DST: variants seen among roughly 807,000 people sequenced by gnomAD.
The protein encoded by DST is bullous pemphigoid antigen.
A neutral mutation model predicts 875.2 loss-of-function variants in DST; 253 were observed. That is an observed-to-expected ratio of 0.29 (90% CI 0.26 to 0.32). The LOEUF (loss-of-function observed/expected upper bound fraction) is 0.32. Ranked by LOEUF, DST falls within the 10% of genes least tolerant of loss-of-function variation. The pLI, the probability that DST is intolerant of heterozygous loss-of-function variation, is 1.00. For synonymous variants in DST, 3,124 were observed against 3,197.1 expected (o/e 0.98, Z 0.77); for missense variants, 8,287 against 9,111.6 (o/e 0.91, Z 3.68).
chr6:56,853,851 G>T (rs918391519), intron 3 of DST, among the ~76,000 whole-genome samples: 1 of 151,960 alleles, frequency 6.6e-6, no homozygotes, highest in Non-Finnish European at 1.5e-5. Context: ...AAACAGATAA[G>T]AGAGAAAAAG....
Position 56,627,533 on chromosome 6 carries a change from C to G in DST, c.4639-246G>C, listed in dbSNP as rs114746244. Among the ~76,000 whole-genome samples the G allele has an allele frequency of 6.2e-3, 946 of 152,308 alleles. 8 individuals are homozygous for G. Among genetic ancestry groups the G allele is most frequent in the African/African-American group, 0.021 (884 of 41,574 alleles). On this transcript the variant is annotated intron_variant, in intron 33 of 103. Transcript: ENST00000680361. ...TCCTTAGGAATTATCCAAAAGCAGA[C>G]TTGATGCCCTTGGCCACCACCTATT...
intron 55 of DST, among the ~76,000 whole-genome samples, chr6:56,565,144 G>A (rs868712703): frequency 1.4e-4 from 19 of 135,300 alleles, no homozygotes; most frequent in South Asian, 4.7e-4. Context: ...TTTTTGTGAC[G>A]GAGTATTGCT....
At chr6:56,816,583 T>G (rs1053141791) in intron 4 of DST, among the ~76,000 whole-genome samples, 2 of 152,230 alleles carry the variant, frequency 1.3e-5, no homozygotes, top group African/African-American at 4.8e-5. Flanking sequence ...GTGATTGTTC[T>G]CGTTGCTCAT....
At chr6:56,526,877 C>T (rs1362487202) in intron 68 of DST, among the ~76,000 whole-genome samples, 1 of 152,108 alleles carries the variant, frequency 6.6e-6, no homozygotes, top group African/African-American at 2.4e-5. Context: ...TTATTCTTTG[C>T]TTTCTGGGAA....
chr6:56,645,328 G>A (rs2098936072), intron 15 of DST, among the ~76,000 whole-genome samples: 1 of 152,174 alleles, frequency 6.6e-6, no homozygotes, highest in African/African-American at 2.4e-5. Flanking sequence ...TGTAGTGAGA[G>A]ACAAAATGAC....
intron 2 of DST, among the ~76,000 whole-genome samples, chr6:56,948,794 C>G (rs867628849): frequency 2.0e-5 from 3 of 152,160 alleles, no homozygotes; most frequent in South Asian, 2.1e-4. Context: ...TTGGTATTTA[C>G]GCTAATGATG....
rs202106750 is a variant in DST at position 56,654,204 on chromosome 6, AT to A, written c.1215-2961del. Among the ~76,000 whole-genome samples, 893 of 152,002 alleles carry A rather than the reference AT, an allele frequency of 5.9e-3. 4 individuals carry two copies. Among genetic ancestry groups the A allele is most frequent in the African/African-American group, 0.021 (852 of 41,474 alleles). ...TTATGGAAAAAAAGGCCATTCTCTT[AT>A]TTTTTTTATTATTCTATGATAATGT... is the stretch of plus-strand genomic sequence containing the variant. On this transcript the variant is annotated intron_variant, in intron 10 of 103. Coordinates refer to ENST00000680361, the MANE Select transcript of DST (RefSeq NM_001374736.1).
In DST at chr6:56,708,256, C is replaced by T. The variant is rs565313849; in HGVS notation, c.688-3887G>A. On this transcript the variant is annotated intron_variant, in intron 5 of 103. Transcript: ENST00000680361. ...GGAAAACAGAAAACTCCTAGTTCAA[C>T]CTAGAGAACAAAAAGTCTGTAATCT... 3.4e-4 allele frequency among the ~76,000 whole-genome samples: 51 copies of T among 151,840 alleles called. 1 individual carries two copies. Among genetic ancestry groups the T allele is most frequent in the Admixed American group, 1.5e-3 (23 of 15,248 alleles).
chr6:56,539,319 C>T (rs1584432939), intron 61 of DST, among the ~76,000 whole-genome samples: 2 of 152,100 alleles, frequency 1.3e-5, no homozygotes, highest in South Asian at 4.1e-4. Context: ...TTGTTTTCTA[C>T]AAATAAACTG....
intron 9 of DST, among the ~76,000 whole-genome samples, chr6:56,683,097 T>C (rs942479759): frequency 6.6e-6 from 1 of 152,182 alleles, no homozygotes; most frequent in African/African-American, 2.4e-5. Flanking sequence ...ACACACCTAA[T>C]AATATGGATA....
At chr6:56,587,122 G>A (rs1242497136) in intron 49 of DST, among the ~76,000 whole-genome samples, 1 of 152,124 alleles carries the variant, frequency 6.6e-6, no homozygotes, top group East Asian at 1.9e-4. Flanking sequence ...CGAGCTACAG[G>A]AGGAAATTCA....
At chr6:56,775,466 T>C (rs1308349258) in intron 4 of DST, among the ~76,000 whole-genome samples, 2 of 152,232 alleles carry the variant, frequency 1.3e-5, no homozygotes, top group Non-Finnish European at 2.9e-5. Context: ...TTATAAGCTA[T>C]GATTTCAAAA....
intron 60 of DST, among the ~76,000 whole-genome samples, chr6:56,554,833 T>A (rs1480281840): frequency 6.6e-6 from 1 of 152,188 alleles, no homozygotes; most frequent in African/African-American, 2.4e-5. Context: ...ATGAAGTGAA[T>A]TCTAATAATT....
intron 52 of DST, among the ~76,000 whole-genome samples, chr6:56,572,508 G>C (rs957248409): frequency 6.6e-6 from 1 of 152,098 alleles, no homozygotes; most frequent in African/African-American, 2.4e-5. Context: ...CTTCTGGTAC[G>C]TAAGATGATA....
intron 61 of DST, among the ~76,000 whole-genome samples, chr6:56,543,851 A>C (rs1441625396): frequency 6.6e-6 from 1 of 152,208 alleles, no homozygotes; most frequent in Admixed American, 6.5e-5. Context: ...TCATTCGATA[A>C]ATCTAAGAGT....
chr6:56,605,690 C>G lies in DST; in HGVS notation c.8938G>C (p.Asp2980His). The G allele has an allele frequency of 6.2e-7, 1 of 1,612,860 alleles. No individual in the cohort carries two copies. The highest frequency in any genetic ancestry group is 8.5e-7 in the Non-Finnish European group (1 of 1,179,352). ...GGTGTCATATTCTTAAAATATTCAT[C>G]TTTACCTTTCACAGAATCAGTCAAT... ...PELTDSVKGK[D>H]EYFKNMTPKV... Residue 2980 changes from aspartate to histidine, a missense_variant, in exon 40 of 104, where the codon GAT becomes CAT. By Grantham distance (81) the Asp-to-His change is moderately conservative (BLOSUM62 -1). Around this residue, in one of 10 missense-constraint regions of DST, gnomAD observed 3,138 missense variants for 3,116.6 expected, o/e 1.01. Transcript: ENST00000680361.
chr6:56,612,293 T>G (rs1586616066), intron 37 of DST, among the ~76,000 whole-genome samples: 1 of 152,122 alleles, frequency 6.6e-6, no homozygotes, highest in East Asian at 1.9e-4. Flanking sequence ...TGCTTGAGTG[T>G]GGGAAAGGGA....
chr6:56,777,390 T>C (rs1196317719), intron 4 of DST, among the ~76,000 whole-genome samples: 1 of 152,010 alleles, frequency 6.6e-6, no homozygotes, highest in Non-Finnish European at 1.5e-5. Context: ...TACAGGCAAG[T>C]AGATGGTTTC....
chr6:56,534,220 A>T (rs2096952271), intron 63 of DST, among the ~76,000 whole-genome samples: 4 of 152,328 alleles, frequency 2.6e-5, no homozygotes, highest in East Asian at 3.9e-4. Flanking sequence ...GTAAAATTTT[A>T]AAAAATTTCT....
Sources: allele counts gnomAD v4.1 joint callset (sites outside exome capture counted in the v4.1 genomes callset), GRCh38; gene constraint gnomAD v4.1.1; regional missense constraint gnomAD v4.1.1; transcripts MANE v1.5; gene names NCBI Gene and HGNC (gene_info 2026-07-23, HGNC 2026-07-21).